Variants in COP1 observed in about 807,000 individuals in gnomAD.
COP1 encodes the protein COP1 E3 ubiquitin ligase.
A neutral mutation model predicts 101.3 loss-of-function variants in COP1; 24 were observed. That is an observed-to-expected ratio of 0.24 (90% CI 0.17 to 0.33). The LOEUF (loss-of-function observed/expected upper bound fraction) is 0.33, where lower values mean the gene tolerates loss of function less well. COP1 is among the 10% of genes least tolerant of loss of function. COP1 has a pLI of 1.00. For missense variants in COP1, 663 were observed against 906.2 expected (o/e 0.73, Z 3.45); for synonymous variants, 347 against 341.9 (o/e 1.01, Z -0.17).
rs7514370 is a variant in COP1 at position 176,152,602 on chromosome 1, C to T, written c.763-3528G>A. Among the ~76,000 whole-genome samples the T allele has an allele frequency of 6.7e-3, 1,012 of 152,180 alleles. 9 individuals carry two copies. The highest frequency in any genetic ancestry group is 0.023 in the African/African-American group (960 of 41,540). ...AGCTGGGATTACACATTCGCACCAC[C>T]ATGTCCAGCTAATTTTTGTATTTTT... On this transcript the variant is annotated intron_variant, in intron 5 of 19. Transcript: ENST00000367669.
At chr1:176,008,455 T>C (rs961546666) in intron 15 of COP1, among the ~76,000 whole-genome samples, 1 of 152,222 alleles carries the variant, frequency 6.6e-6, no homozygotes, top group African/African-American at 2.4e-5. Context: ...AACAACAGAA[T>C]TATTTGTTTT....
At chr1:176,048,934 A>G (rs1671993888) in intron 11 of COP1, among the ~76,000 whole-genome samples, 2 of 151,334 alleles carry the variant, frequency 1.3e-5, no homozygotes, top group African/African-American at 4.9e-5. Flanking sequence ...GCACTTTGGG[A>G]GGCCGAGGCG....
At chr1:176,145,766 A>T (rs1478737354) in intron 6 of COP1, among the ~76,000 whole-genome samples, 1 of 151,706 alleles carries the variant, frequency 6.6e-6, no homozygotes, top group East Asian at 1.9e-4. Flanking sequence ...CACTTAAATA[A>T]CGCTCAAAAA....
At chr1:176,017,602 A>G (rs10753114) in intron 15 of COP1, 150,009 of 152,318 alleles carry the variant, frequency 0.98, 73,920 homozygotes, top group East Asian at 1. Flanking sequence ...ATGGCTCACT[A>G]AAACCTCCGC....
chr1:175,962,764 C>T (rs765009091), intron 18 of COP1, among the ~76,000 whole-genome samples: 4 of 152,168 alleles, frequency 2.6e-5, no homozygotes, highest in Non-Finnish European at 5.9e-5. Context: ...GCACCTCCCC[C>T]TCCCTGGGCA....
At chr1:176,082,269 T>C (rs1222082058) in intron 10 of COP1, among the ~76,000 whole-genome samples, 1 of 152,220 alleles carries the variant, frequency 6.6e-6, no homozygotes, top group Non-Finnish European at 1.5e-5. Flanking sequence ...AGCTTCTTTA[T>C]TCTAAGCCCA....
intron 18 of COP1, among the ~76,000 whole-genome samples, chr1:175,961,695 CAAAAA>C (rs3034815): frequency 1.4e-5 from 1 of 69,422 alleles, no homozygotes; most frequent in Non-Finnish European, 2.7e-5. Context: ...GACCCTGTCT[CAAAAA>C]AAAAAAAAAA....
At chr1:176,102,489 G>T (rs1284891735) in intron 9 of COP1, among the ~76,000 whole-genome samples, 1 of 152,170 alleles carries the variant, frequency 6.6e-6, no homozygotes, top group Non-Finnish European at 1.5e-5. Flanking sequence ...GACAGTGAAA[G>T]AGATCTGACC....
chr1:176,197,446 A>G (rs560608194), intron 1 of COP1, among the ~76,000 whole-genome samples: 1 of 152,300 alleles, frequency 6.6e-6, no homozygotes, highest in East Asian at 1.9e-4. Context: ...AGGCCTCAGA[A>G]GAAACCGAAT....
At chr1:175,996,896 T>C (rs1291733917) in intron 15 of COP1, among the ~76,000 whole-genome samples, 1 of 152,004 alleles carries the variant, frequency 6.6e-6, no homozygotes, top group Non-Finnish European at 1.5e-5. Context: ...TGGAAAAAAC[T>C]ACTTTCAAGT....
At chr1:176,174,698 T>C (rs1696657275) in intron 3 of COP1, among the ~76,000 whole-genome samples, 1 of 152,126 alleles carries the variant, frequency 6.6e-6, no homozygotes, top group African/African-American at 2.4e-5. Flanking sequence ...GAGCTAAAAA[T>C]CAAACTGCCA....
Position 176,043,167 on chromosome 1 carries a change from A to G in COP1, c.1612+19T>C, listed in dbSNP as rs766558887. ...GGGCCAGGGAGAAGGAGGTGCTGAG[A>G]AAGAGATTCAAACAGTACCTTTTGC... On this transcript the variant is annotated intron_variant, in intron 14 of 19. Coordinates refer to ENST00000367669, the MANE Select transcript of COP1 (RefSeq NM_022457.7). 1 of 1,522,056 alleles carries G rather than the reference A, an allele frequency of 6.6e-7. No homozygotes were observed. The highest frequency in any genetic ancestry group is 9.1e-7 in the Non-Finnish European group (1 of 1,098,492). 94.3% of individuals were successfully genotyped at this position (1,522,056 alleles called of 1,614,324 possible). A position where few individuals can be genotyped will look rare whatever the true frequency, so the allele number is the denominator to read the frequency against.
intron 6 of COP1, among the ~76,000 whole-genome samples, chr1:176,144,128 T>G (rs1456479901): frequency 6.6e-6 from 1 of 151,956 alleles, no homozygotes; most frequent in Non-Finnish European, 1.5e-5. Context: ...ACAAGAAAAA[T>G]AAATAAAAGA....
chr1:176,105,635 T>C (rs954366159), intron 9 of COP1, among the ~76,000 whole-genome samples: 6 of 152,184 alleles, frequency 3.9e-5, no homozygotes, highest in Non-Finnish European at 5.9e-5. Context: ...ATAGCATGGA[T>C]TGACCTCAGC....
At chr1:176,084,440 T>C (rs4498761) in intron 10 of COP1, among the ~76,000 whole-genome samples, 10,093 of 152,264 alleles carry the variant, frequency 0.066, 422 homozygotes, top group Middle Eastern at 0.12. Flanking sequence ...AAGTAATTTA[T>C]AAATTCAATA....
intron 1 of COP1, among the ~76,000 whole-genome samples, chr1:176,198,413 T>C (rs1482434602): frequency 6.6e-6 from 1 of 152,188 alleles, no homozygotes; most frequent in Non-Finnish European, 1.5e-5. Context: ...GATGTTATAA[T>C]ATTAATGAAG....
At chr1:176,139,568 T>C (rs1288057017) in intron 6 of COP1, among the ~76,000 whole-genome samples, 3 of 152,170 alleles carry the variant, frequency 2.0e-5, no homozygotes, top group African/African-American at 7.2e-5. Context: ...TGCCCATCAT[T>C]GCCCATCAAC....
intron 9 of COP1, among the ~76,000 whole-genome samples, chr1:176,093,342 T>C (rs1432506356): frequency 6.6e-6 from 1 of 152,190 alleles, no homozygotes; most frequent in African/African-American, 2.4e-5. Flanking sequence ...TGAAATATAT[T>C]CCTTTGTAGG....
At chr1:176,108,568 C>G (rs1037143701) in intron 9 of COP1, among the ~76,000 whole-genome samples, 1 of 152,260 alleles carries the variant, frequency 6.6e-6, no homozygotes, top group Non-Finnish European at 1.5e-5. Context: ...TCCACCTACC[C>G]TTCCCCAATA....
Sources: allele counts gnomAD v4.1 joint callset (sites outside exome capture counted in the v4.1 genomes callset), GRCh38; gene constraint gnomAD v4.1.1; transcripts MANE v1.5; gene names NCBI Gene and HGNC (gene_info 2026-07-23, HGNC 2026-07-21).